Variants in AP2A2 observed in about 807,000 individuals in gnomAD.
AP2A2 encodes adaptor related protein complex 2 subunit alpha 2, also known as AP-2 complex subunit alpha-2.
AP2A2 carries 32 observed loss-of-function variants against 104.2 expected under a neutral mutation model. The observed-to-expected ratio is 0.31, with a 90% CI of 0.23 to 0.41. AP2A2 has a LOEUF of 0.41. Among genes scored for constraint, AP2A2 ranks in the 10% least tolerant of loss-of-function variants. The pLI is 1.00. For missense variants in AP2A2, 912 were observed against 1,261.0 expected, an observed-to-expected ratio of 0.72 and a Z score of 4.19; for synonymous variants, 539 against 533.3, an observed-to-expected ratio of 1.01 and a Z score of -0.15.
intron 6 of AP2A2, 54 bp from the exon 7 acceptor site, chr11:984,591 C>A (rs546013526): frequency 6.9e-7 from 1 of 1,450,904 alleles, no homozygotes; most frequent in Non-Finnish European, 9.7e-7. Flanking sequence ...TTTGGGTCCC[C>A]GCAGTAGGGG....
At chr11:987,915 C>T (rs997108301) in intron 9 of AP2A2, among the ~76,000 whole-genome samples, 1 of 152,244 alleles carries the variant, frequency 6.6e-6, no homozygotes, top group Non-Finnish European at 1.5e-5. Context: ...ACAGATATTC[C>T]GGGTGGTGTG....
At chr11:964,645 T>A (rs1037368028) in intron 2 of AP2A2, among the ~76,000 whole-genome samples, 2 of 152,298 alleles carry the variant, frequency 1.3e-5, no homozygotes, top group Middle Eastern at 3.4e-3. Context: ...CAGTCTCACT[T>A]TTCCTATTTT....
chr11:933,865 T>C (rs7394524), intron 1 of AP2A2, among the ~76,000 whole-genome samples: 72,644 of 151,844 alleles, frequency 0.48, 18,291 homozygotes, highest in Middle Eastern at 0.65. Flanking sequence ...TTCTGTTCAG[T>C]TGATTCTCGA....
rs1216988843 is a variant in AP2A2 at position 986,791 on chromosome 11, G to A, written c.969G>A (p.Pro323=). 7.4e-6 allele frequency: 12 copies of A among 1,612,950 alleles called. No individual in the cohort carries two copies. The highest frequency in any genetic ancestry group is 8.5e-6 in the Non-Finnish European group (10 of 1,179,754). Residue 323 remains proline (P), a synonymous_variant, in exon 9 of 22, where the codon CCG becomes CCA. Transcript: ENST00000448903. ...TTCCCCTCCCTCCACACAGTGAGCCGAACCTGCTCGTCCGTGCCTGCAACC... is the reference window on the plus strand; with the variant it reads ...TTCCCCTCCCTCCACACAGTGAGCCAAACCTGCTCGTCCGTGCCTGCAACC... ...ISLIIHHDSE[P]NLLVRACNQL...
At chr11:985,888 G>A (rs548906701) in intron 8 of AP2A2, among the ~76,000 whole-genome samples, 1 of 152,362 alleles carries the variant, frequency 6.6e-6, no homozygotes, top group South Asian at 2.1e-4. Context: ...GAGACGGGTG[G>A]GGTGGGGGGT....
chr11:956,619 C>G (rs1262655043), intron 1 of AP2A2, among the ~76,000 whole-genome samples: 2 of 152,188 alleles, frequency 1.3e-5, no homozygotes, highest in African/African-American at 4.8e-5. Context: ...CACAGCTGGT[C>G]CAGGTAGAGT....
chr11:961,763 T>G, intron 2 of AP2A2, among the ~76,000 whole-genome samples: 1 of 117,204 alleles, frequency 8.5e-6, no homozygotes. Context: ...CAGTGAAAAG[T>G]AAAGGGCGGA....
chr11:988,501 C>T, intron 9 of AP2A2, 51 bp from the exon 10 acceptor site: 2 of 1,590,444 alleles, frequency 1.3e-6, no homozygotes, highest in Non-Finnish European at 1.7e-6. Flanking sequence ...AGCCTGTCCC[C>T]AAGCTTGTGC....
intron 1 of AP2A2, among the ~76,000 whole-genome samples, chr11:936,801 G>A (rs978458381): frequency 2.0e-5 from 3 of 152,108 alleles, no homozygotes; most frequent in Admixed American, 6.6e-5. Flanking sequence ...AGTACCTTGG[G>A]AACAGTGTGA....
At chr11:996,948 G>T (rs988776277) in intron 14 of AP2A2, among the ~76,000 whole-genome samples, 1 of 152,028 alleles carries the variant, frequency 6.6e-6, no homozygotes, top group Non-Finnish European at 1.5e-5. Context: ...TTCTGACCGA[G>T]AGCTATGGTG....
chr11:928,491 T>C (rs1045315356), intron 1 of AP2A2, among the ~76,000 whole-genome samples: 2 of 152,218 alleles, frequency 1.3e-5, no homozygotes, highest in African/African-American at 4.8e-5. Flanking sequence ...TACTTGACTA[T>C]ATAGACCAGA....
At chr11:1,007,201 T>TG (rs1028110129) in intron 17 of AP2A2, 1 of 154,438 alleles carries the variant, frequency 6.5e-6, no homozygotes, top group African/African-American at 2.4e-5. Flanking sequence ...TGGTGACACC[T>TG]GGGGATTTAT....
At position 1,007,795 on chromosome 11, in the gene AP2A2, G is replaced by C. The variant is rs1397508174; in HGVS notation, c.2297-217G>C. On this transcript the variant is annotated intron_variant, in intron 17 of 21. Transcript: ENST00000448903. The stretch of plus-strand genomic sequence containing the variant: ...ATAATCTAAGTGACTTTTTAAAATG[G>C]AGGAGCCATTCTGGAAGCGTGAGAA... 7.9e-6 allele frequency: 5 copies of C among 629,374 alleles called. No homozygotes were observed. The East Asian group carries it at 1.4e-4, about 18-fold the overall frequency. 39.0% of individuals were successfully genotyped at this position (629,374 alleles called of 1,614,324 possible). A position where few individuals can be genotyped will look rare whatever the true frequency, so the allele number is the denominator to read the frequency against.
chr11:941,663 C>T (rs1210342291), intron 1 of AP2A2, among the ~76,000 whole-genome samples: 1 of 151,706 alleles, frequency 6.6e-6, no homozygotes, highest in Non-Finnish European at 1.5e-5. Flanking sequence ...TCTCGGCTCA[C>T]TGCAATCTCT....
chr11:949,792 A>AC (rs1375880683), intron 1 of AP2A2, among the ~76,000 whole-genome samples: 4 of 151,718 alleles, frequency 2.6e-5, no homozygotes, highest in Non-Finnish European at 4.4e-5. Flanking sequence ...AAAAAAAAAA[A>AC]AACAGGTTTA....
chr11:964,793 GAT>G (rs1564796884), intron 2 of AP2A2, among the ~76,000 whole-genome samples: 7 of 136,078 alleles, frequency 5.1e-5, no homozygotes, highest in Admixed American at 7.8e-5. Context: ...AATAATCCCA[GAT>G]GGAAGCGTGG....
At chr11:975,979 C>G (rs1445113032) in intron 4 of AP2A2, among the ~76,000 whole-genome samples, 1 of 152,202 alleles carries the variant, frequency 6.6e-6, no homozygotes, top group Non-Finnish European at 1.5e-5. Context: ...TGCTGGGCGC[C>G]CTCGTGTGTC....
intron 5 of AP2A2, among the ~76,000 whole-genome samples, chr11:980,649 C>T (rs941014234): frequency 3.3e-5 from 5 of 152,172 alleles, no homozygotes; most frequent in African/African-American, 9.7e-5. Flanking sequence ...AGGGAGGACT[C>T]GCGTGCTGGG....
At chr11:988,480 A>G in intron 9 of AP2A2, 72 bp from the exon 10 acceptor site, 1 of 1,563,990 alleles carries the variant, frequency 6.4e-7, no homozygotes, top group Non-Finnish European at 8.7e-7. Context: ...GCGGGTGCCG[A>G]GCCTGTCCCC....
Sources: gnomAD v4.1 joint callset for allele counts (sites outside exome capture counted in the v4.1 genomes callset) on GRCh38, gnomAD v4.1.1 for gene constraint, MANE v1.5 for transcripts, NCBI Gene and HGNC (gene_info 2026-07-23, HGNC 2026-07-21) for gene names.